The following ZNF407 variants were observed in gnomAD, a reference collection of about 807,000 sequenced individuals.
ZNF407 encodes zinc finger protein 407.
In ZNF407, 17 loss-of-function variants were observed where a neutral mutation model predicts 131.2. That is an observed-to-expected ratio of 0.13 (90% confidence interval 0.09 to 0.19). The LOEUF (loss-of-function observed/expected upper bound fraction) is 0.19. Ranked by LOEUF, ZNF407 falls within the 10% of genes least tolerant of loss-of-function variation. The pLI is 1.00. For synonymous variants in ZNF407, 1,156 were observed against 1,062.0 expected (o/e 1.09, Z -1.72); for missense variants, 2,681 against 2,830.6 (o/e 0.95, Z 1.20).
At chr18:74,817,390 C>T (rs1970281667) in intron 4 of ZNF407, among the ~76,000 whole-genome samples, 1 of 152,092 alleles carries the variant, frequency 6.6e-6, no homozygotes, top group South Asian at 2.1e-4. Context: ...TTATGTTGTT[C>T]ATTTTATAAA....
intron 4 of ZNF407, among the ~76,000 whole-genome samples, chr18:74,849,852 G>T (rs1970756849): frequency 6.6e-6 from 1 of 152,198 alleles, no homozygotes. Context: ...TGTAGAGTTT[G>T]ATTTCCATTT....
intron 8 of ZNF407, among the ~76,000 whole-genome samples, chr18:75,033,029 G>C (rs377274356): frequency 3.1e-5 from 4 of 128,498 alleles, no homozygotes; most frequent in East Asian, 2.4e-4. Context: ...GATAGTATTA[G>C]ATAACTAAGA....
intron 8 of ZNF407, among the ~76,000 whole-genome samples, chr18:75,054,472 A>G (rs577820788): frequency 6.6e-6 from 1 of 152,340 alleles, no homozygotes; most frequent in South Asian, 2.1e-4. Flanking sequence ...GGGTTTTTTT[A>G]TAGGGTTTTG....
At chr18:74,969,892 T>C (rs1972452634) in intron 8 of ZNF407, among the ~76,000 whole-genome samples, 1 of 152,228 alleles carries the variant, frequency 6.6e-6, no homozygotes, top group South Asian at 2.1e-4. Context: ...ACTCCCTTCC[T>C]TCCCCACTGT....
At chr18:74,911,643 C>T (rs994255683) in intron 7 of ZNF407, among the ~76,000 whole-genome samples, 1 of 152,078 alleles carries the variant, frequency 6.6e-6, no homozygotes, top group Non-Finnish European at 1.5e-5. Flanking sequence ...ATTCAATTTT[C>T]GGTTCTTTTA....
chr18:74,841,318 C>T (rs889247515), intron 4 of ZNF407, among the ~76,000 whole-genome samples: 2 of 152,166 alleles, frequency 1.3e-5, no homozygotes, highest in African/African-American at 4.8e-5. Context: ...CCTCACTCCA[C>T]CCCCAGCCTC....
intron 3 of ZNF407, among the ~76,000 whole-genome samples, chr18:74,770,683 G>A (rs1439702101): frequency 1.3e-5 from 2 of 152,096 alleles, no homozygotes; most frequent in Non-Finnish European, 2.9e-5. Context: ...GTACAACCTT[G>A]CTGAATAGCT....
intron 1 of ZNF407, among the ~76,000 whole-genome samples, chr18:74,623,788 A>G (rs1053257080): frequency 6.6e-6 from 1 of 152,140 alleles, no homozygotes; most frequent in Non-Finnish European, 1.5e-5. Flanking sequence ...TTCTGGGTGA[A>G]TTAATAATTT....
intron 8 of ZNF407, among the ~76,000 whole-genome samples, chr18:75,001,240 G>A (rs966634): frequency 0.06 from 9,160 of 152,184 alleles, 907 homozygotes; most frequent in African/African-American, 0.2. Flanking sequence ...TCAACACAGG[G>A]AGGGACATCA....
intron 4 of ZNF407, among the ~76,000 whole-genome samples, chr18:74,850,851 T>C (rs1970772944): frequency 6.6e-6 from 1 of 152,204 alleles, no homozygotes; most frequent in Non-Finnish European, 1.5e-5. Context: ...GAGCACAAAC[T>C]GGGTGTTTTC....
At chr18:74,866,554 A>G (rs1599207294) in intron 4 of ZNF407, among the ~76,000 whole-genome samples, 3 of 152,178 alleles carry the variant, frequency 2.0e-5, no homozygotes, top group Non-Finnish European at 2.9e-5. Context: ...TCTTGAAATT[A>G]TGTATCCATA....
chr18:74,657,901 TTTCTTCTTCTTC>T lies in ZNF407; in HGVS notation c.4802+16802_4802+16813del, dbSNP rs58407278. On this transcript the variant is annotated intron_variant, in intron 3 of 8. Transcript: ENST00000299687. ...TCTTGCTCTCTACTTCTCCTTTTCC[TTTCTTCTTCTTC>T]TTCTTCTTCTTCTTCTTCTTCTCCC... is the stretch of plus-strand genomic sequence containing the variant. Among the ~76,000 whole-genome samples, 1,089 of 147,770 alleles carry T rather than the reference TTTCTTCTTCTTC, an allele frequency of 7.4e-3. 12 individuals are homozygous for T. The highest frequency in any genetic ancestry group is 9.4e-3 in the Non-Finnish European group (630 of 67,164).
At chr18:74,884,397 A>T (rs1971279649) in intron 6 of ZNF407, among the ~76,000 whole-genome samples, 1 of 152,214 alleles carries the variant, frequency 6.6e-6, no homozygotes, top group Non-Finnish European at 1.5e-5. Context: ...TAACTGATTG[A>T]TGAGTTACAA....
chr18:75,029,976 G>A (rs964540274), intron 8 of ZNF407, among the ~76,000 whole-genome samples: 4 of 152,206 alleles, frequency 2.6e-5, no homozygotes, highest in Non-Finnish European at 4.4e-5. Flanking sequence ...ATATGGGGAA[G>A]AGGTTTCCTG....
chr18:74,634,552 G>T lies in ZNF407; in HGVS notation c.3533G>T (p.Arg1178Met), dbSNP rs1195532742. Residue 1178 changes from arginine to methionine, a missense_variant, in exon 2 of 9, where the codon AGG becomes ATG. Physicochemically the swap from Arg to Met is moderately conservative, Grantham distance 91 (BLOSUM62 -1). Transcript: ENST00000299687. Reference sequence around the variant, plus strand: ...CAGGCTCCTGTCAAGGATAAAGTTAGGAAACCTGAGGAGATGATGTCACTT... The same window carrying T: ...CAGGCTCCTGTCAAGGATAAAGTTATGAAACCTGAGGAGATGATGTCACTT... ...FQQAPVKDKV[R>M]KPEEMMSLTM... 6.2e-7 allele frequency: 1 copy of T among 1,613,758 alleles called. No homozygotes were observed. Among genetic ancestry groups the T allele is most frequent in the Admixed American group, 1.7e-5 (1 of 60,012 alleles).
At chr18:75,038,147 G>T (rs1314944280) in intron 8 of ZNF407, among the ~76,000 whole-genome samples, 2 of 152,208 alleles carry the variant, frequency 1.3e-5, no homozygotes, top group Non-Finnish European at 2.9e-5. Context: ...ATAAAGCTTT[G>T]TGGGTTTATC....
intron 8 of ZNF407, among the ~76,000 whole-genome samples, chr18:74,990,183 A>G (rs1972702156): frequency 6.6e-6 from 1 of 152,204 alleles, no homozygotes; most frequent in South Asian, 2.1e-4. Flanking sequence ...TACTCGGGGT[A>G]ATAGAATATT....
chr18:74,626,829 G>A (rs915409891), intron 1 of ZNF407, among the ~76,000 whole-genome samples: 1 of 152,146 alleles, frequency 6.6e-6, no homozygotes, highest in Admixed American at 6.5e-5. Context: ...CTAAACTATC[G>A]TGGAAGAATT....
At chr18:75,011,504 T>C (rs1972973956) in intron 8 of ZNF407, among the ~76,000 whole-genome samples, 1 of 152,154 alleles carries the variant, frequency 6.6e-6, no homozygotes, top group African/African-American at 2.4e-5. Flanking sequence ...AACAATGCTA[T>C]ATTAAATATT....
Sources: allele counts gnomAD v4.1 joint callset (sites outside exome capture counted in the v4.1 genomes callset), GRCh38; gene constraint gnomAD v4.1.1; transcripts MANE v1.5; gene names NCBI Gene and HGNC (gene_info 2026-07-23, HGNC 2026-07-21).